Variants in BBOX1 observed in about 807,000 individuals in gnomAD.
BBOX1 encodes the protein gamma-butyrobetaine dioxygenase.
BBOX1 carries 35 observed loss-of-function variants against 41.6 expected under a neutral mutation model. That is an observed-to-expected ratio of 0.84 (90% CI 0.64 to 1.11). The LOEUF is 1.11. Among genes scored for constraint, BBOX1 ranks in the 50% most tolerant of loss-of-function variants. BBOX1 has a pLI of 0.00. For synonymous variants in BBOX1, 163 were observed against 154.7 expected, an observed-to-expected ratio of 1.05 and a Z score of -0.40; for missense variants, 458 against 460.6, an observed-to-expected ratio of 0.99 and a Z score of 0.05.
At chr11:27,055,352 C>G (rs765427088) in intron 2 of BBOX1, 41 bp from the exon 3 acceptor site, 25 of 1,440,342 alleles carry the variant, frequency 1.7e-5, no homozygotes, top group Non-Finnish European at 2.3e-5. Context: ...AAGTTTAGAT[C>G]TTATCTGCCT....
chr11:27,103,314 T>A (rs990063514), intron 5 of BBOX1, among the ~76,000 whole-genome samples: 1 of 152,192 alleles, frequency 6.6e-6, no homozygotes, highest in Non-Finnish European at 1.5e-5. Context: ...GAGGATATGA[T>A]TTGTTTTAGG....
At chr11:27,113,087 T>C (rs1331414307) in intron 5 of BBOX1, among the ~76,000 whole-genome samples, 3 of 151,712 alleles carry the variant, frequency 2.0e-5, no homozygotes, top group Non-Finnish European at 4.4e-5. Context: ...AAAATGCAAA[T>C]CAAAACCACA....
intron 2 of BBOX1, among the ~76,000 whole-genome samples, chr11:27,043,337 A>G (rs563928565): frequency 6.6e-6 from 1 of 151,406 alleles, no homozygotes; most frequent in Admixed American, 6.6e-5. Context: ...TGCTGGGATT[A>G]CAGGCATGAG....
intron 6 of BBOX1, among the ~76,000 whole-genome samples, chr11:27,116,243 T>C (rs1859254848): frequency 6.6e-6 from 1 of 151,852 alleles, no homozygotes; most frequent in Non-Finnish European, 1.5e-5. Flanking sequence ...ACACCGCATG[T>C]TCTCGCCTAT....
At chr11:27,080,840 TA>T (rs1262483584) in intron 4 of BBOX1, among the ~76,000 whole-genome samples, 2 of 152,170 alleles carry the variant, frequency 1.3e-5, no homozygotes, top group Non-Finnish European at 2.9e-5. Flanking sequence ...GAGATTACAA[TA>T]AAATCAGTCA....
At chr11:27,058,975 G>A (rs1230815056) in intron 4 of BBOX1, among the ~76,000 whole-genome samples, 1 of 152,194 alleles carries the variant, frequency 6.6e-6, no homozygotes, top group Non-Finnish European at 1.5e-5. Context: ...AGAGATATTT[G>A]TATATAAGAA....
In BBOX1 at chr11:27,126,218, C is replaced by T. The variant is rs1011607938; in HGVS notation, c.1003+398C>T. On this transcript the variant is annotated intron_variant, in intron 8 of 8. Transcript: ENST00000263182. ...CAGTAAAGTGCCATCAAACCTGAGG[C>T]TTTTGGCATCTACAATAAAAGGTGT... Among the ~76,000 whole-genome samples, 3 of 152,146 alleles carry T rather than the reference C, an allele frequency of 2.0e-5. No individual in the cohort carries two copies. The East Asian group carries it at 5.8e-4, about 29-fold the overall frequency.
chr11:27,085,294 G>A (rs1254419298), intron 4 of BBOX1, among the ~76,000 whole-genome samples: 1 of 152,086 alleles, frequency 6.6e-6, no homozygotes, highest in Non-Finnish European at 1.5e-5. Context: ...TTGAAGGCTT[G>A]TAGCAACACG....
chr11:27,116,062 G>A (rs936454921), intron 6 of BBOX1, among the ~76,000 whole-genome samples: 1 of 152,006 alleles, frequency 6.6e-6, no homozygotes, highest in African/African-American at 2.4e-5. Context: ...CAAAGATTTG[G>A]AACCAATCCA....
chr11:27,055,460 A>C lies in BBOX1; in HGVS notation c.30A>C (p.Ala10=). 2 of 1,614,038 alleles carry C rather than the reference A, an allele frequency of 1.2e-6. No homozygotes were observed. Among genetic ancestry groups the C allele is most frequent in the African/African-American group, 2.7e-5 (2 of 75,060 alleles). Residue 10 remains alanine (A), a synonymous_variant, in exon 3 of 9, where the codon GCA becomes GCC. Coordinates refer to ENST00000263182, the MANE Select transcript of BBOX1 (RefSeq NM_003986.3). ...CTTGTACCATCCAAAAGGCAGAAGCACTTGACGGGGCTCATTTGATGCAGA... is the reference window on the plus strand; with the variant it reads ...CTTGTACCATCCAAAAGGCAGAAGCCCTTGACGGGGCTCATTTGATGCAGA... MACTIQKAE[A]LDGAHLMQIL...
At position 27,055,565 on chromosome 11, in the gene BBOX1, G is replaced by A. The variant is rs138619370; in HGVS notation, c.135G>A (p.Leu45=). Residue 45 remains leucine, a synonymous_variant, in exon 3 of 9, where the codon CTG becomes CTA. Transcript: ENST00000263182. ...RDNCPCSDCY[L]DSAKARKLLV... is the part of the protein sequence containing the mutation. ...ACTGTCCGTGCTCTGATTGCTACCT[G>A]GATTCTGCAAAAGCACGGAAACTTC... 1.9e-6 allele frequency: 3 copies of A among 1,613,956 alleles called. No individual in the cohort carries two copies. In the African/African-American group the frequency reaches 4.0e-5, roughly 22 times the overall value.
chr11:27,093,859 A>G (rs1448042483), intron 5 of BBOX1, among the ~76,000 whole-genome samples: 5 of 151,900 alleles, frequency 3.3e-5, no homozygotes, highest in Non-Finnish European at 2.9e-5. Flanking sequence ...CAGTCCTATT[A>G]GCTTAGGGCC....
chr11:27,090,316 C>A (rs981582641), intron 4 of BBOX1, among the ~76,000 whole-genome samples: 7 of 151,896 alleles, frequency 4.6e-5, no homozygotes, highest in Admixed American at 4.6e-4. Flanking sequence ...AGCTGGGCTG[C>A]TGGGGGTGAC....
At chr11:27,082,009 C>G (rs1449987972) in intron 4 of BBOX1, among the ~76,000 whole-genome samples, 1 of 152,022 alleles carries the variant, frequency 6.6e-6, no homozygotes, top group Non-Finnish European at 1.5e-5. Flanking sequence ...TGTAGGTTGC[C>G]TGTTCACTCT....
At chr11:27,047,207 C>T (rs1319911099) in intron 2 of BBOX1, 3 of 152,192 alleles carry the variant, frequency 2.0e-5, no homozygotes, top group Non-Finnish European at 4.4e-5. Flanking sequence ...CATCGCCTCT[C>T]TTGGAACACC....
At chr11:27,085,985 C>A (rs1298018585) in intron 4 of BBOX1, among the ~76,000 whole-genome samples, 1 of 152,124 alleles carries the variant, frequency 6.6e-6, no homozygotes, top group Admixed American at 6.6e-5. Flanking sequence ...AAGGCCCTAA[C>A]TCTGTTTAAT....
chr11:27,075,401 C>A (rs940215001), intron 4 of BBOX1, among the ~76,000 whole-genome samples: 5 of 152,064 alleles, frequency 3.3e-5, no homozygotes, highest in African/African-American at 1.2e-4. Context: ...GTTTATTTTT[C>A]CCCAGTAGGA....
rs188010697 is a variant in BBOX1 at position 27,052,168 on chromosome 11, G to A, written c.-38-3225G>A. Among the ~76,000 whole-genome samples, 329 of 152,088 alleles carry A rather than the reference G, an allele frequency of 2.2e-3. 4 individuals are homozygous for A. The highest frequency in any genetic ancestry group is 1.7e-3 in the East Asian group (9 of 5,178). On this transcript the variant is annotated intron_variant, in intron 2 of 8. Coordinates refer to ENST00000263182, the MANE Select transcript of BBOX1 (RefSeq NM_003986.3). ...ACAAAGTCATTATCTTTCATAAAAT[G>A]ATATTTCATACAATTGCAAAGAGAA...
intron 5 of BBOX1, 118 bp downstream of exon 5, chr11:27,093,484 G>A (rs985928883): frequency 1.8e-6 from 2 of 1,097,514 alleles, no homozygotes; most frequent in South Asian, 1.6e-5. Flanking sequence ...TGAGTAGGAA[G>A]TCAGATAAAA....
Sources: gnomAD v4.1 joint callset for allele counts (sites outside exome capture counted in the v4.1 genomes callset) on GRCh38, gnomAD v4.1.1 for gene constraint, MANE v1.5 for transcripts, NCBI Gene and HGNC (gene_info 2026-07-23, HGNC 2026-07-21) for gene names.